C13orf42: variants seen among roughly 807,000 people sequenced by gnomAD.
C13orf42 encodes the protein chromosome 13 open reading frame 42.
chr13:51,157,299 T>A (rs1454536377), intron 1 of C13orf42, among the ~76,000 whole-genome samples: 1 of 152,098 alleles, frequency 6.6e-6, no homozygotes, highest in East Asian at 1.9e-4. Context: ...CTGAGCGCAG[T>A]GGTGTGCACG....
At chr13:51,154,180 T>C (rs2138041416) in intron 1 of C13orf42, among the ~76,000 whole-genome samples, 1 of 152,314 alleles carries the variant, frequency 6.6e-6, no homozygotes, top group African/African-American at 2.4e-5. Context: ...CTTCCTTTTT[T>C]AAGCTGAATA....
intron 1 of C13orf42, among the ~76,000 whole-genome samples, chr13:51,148,576 C>A (rs2138036304): frequency 1.3e-5 from 2 of 152,306 alleles, no homozygotes; most frequent in East Asian, 1.9e-4. Flanking sequence ...TCATGCAATC[C>A]CCTGAGGTCC....
intron 1 of C13orf42, among the ~76,000 whole-genome samples, chr13:51,154,312 T>C (rs1478958170): frequency 6.6e-6 from 1 of 152,246 alleles, no homozygotes; most frequent in African/African-American, 2.4e-5. Flanking sequence ...AACTATCTCT[T>C]TGAGTCCCTG....
At chr13:51,130,621 G>C (rs1043943114) in intron 1 of C13orf42, among the ~76,000 whole-genome samples, 2 of 152,070 alleles carry the variant, frequency 1.3e-5, no homozygotes, top group African/African-American at 4.8e-5. Flanking sequence ...TAAATGTACA[G>C]CTTGGTAAGG....
chr13:51,127,256 A>G (rs1326514403), intron 1 of C13orf42, among the ~76,000 whole-genome samples: 6 of 152,230 alleles, frequency 3.9e-5, no homozygotes, highest in Non-Finnish European at 2.9e-5. Flanking sequence ...AGGAATAACA[A>G]CCAAGAAGGA....
chr13:51,096,482 T>C (rs1412655768), intron 1 of C13orf42, among the ~76,000 whole-genome samples: 1 of 152,248 alleles, frequency 6.6e-6, no homozygotes, highest in African/African-American at 2.4e-5. Flanking sequence ...GGTTTCACAC[T>C]TAACTTCTTT....
chr13:51,147,851 T>C (rs1438546632), intron 1 of C13orf42, among the ~76,000 whole-genome samples: 1 of 152,092 alleles, frequency 6.6e-6, no homozygotes, highest in Non-Finnish European at 1.5e-5. Flanking sequence ...ACCAATTAAA[T>C]CAGAACCTCC....
upstream of C13orf42, among the ~76,000 whole-genome samples, chr13:51,114,003 T>A (rs1566130061): frequency 6.6e-6 from 1 of 152,238 alleles, no homozygotes; most frequent in Non-Finnish European, 1.5e-5. Context: ...GTAACAAAAC[T>A]TGCTTTATTC....
intron 1 of C13orf42, among the ~76,000 whole-genome samples, chr13:51,170,263 A>G (rs1953937019): frequency 1.3e-5 from 2 of 152,264 alleles, no homozygotes; most frequent in African/African-American, 4.8e-5. Flanking sequence ...ATAAACAGCC[A>G]TGTTGCTCAC....
At chr13:51,123,170 G>A (rs1265105527) in intron 1 of C13orf42, among the ~76,000 whole-genome samples, 5 of 152,190 alleles carry the variant, frequency 3.3e-5, no homozygotes, top group African/African-American at 1.2e-4. Flanking sequence ...CACTGCTCAT[G>A]GTTCTCACTC....
At chr13:51,112,470 A>G (rs1448023096), upstream of C13orf42, among the ~76,000 whole-genome samples, 1 of 152,230 alleles carries the variant, frequency 6.6e-6, no homozygotes, top group Non-Finnish European at 1.5e-5. Flanking sequence ...GCATCAGAAC[A>G]ATAACGATAC....
intron 1 of C13orf42, among the ~76,000 whole-genome samples, chr13:51,171,532 C>T (rs1387148943): frequency 6.6e-6 from 1 of 152,080 alleles, no homozygotes; most frequent in African/African-American, 2.4e-5. Context: ...TGACCTCTCC[C>T]TTCCTCCCCA....
At chr13:51,154,823 T>G (rs968925628) in intron 1 of C13orf42, among the ~76,000 whole-genome samples, 1 of 152,118 alleles carries the variant, frequency 6.6e-6, no homozygotes, top group Admixed American at 6.5e-5. Flanking sequence ...GTAAACTAAT[T>G]GCACATTCGA....
rs553263021 is a variant in C13orf42 at position 51,158,711 on chromosome 13, G to T, written n.136+13542C>A. On this transcript the variant is annotated intron_variant and non_coding_transcript_variant, in intron 1 of 4. Coordinates refer to the C13orf42 transcript ENST00000433280. ...GTCAACCGATGGATCTGAACGACTC[G>T]CAGTAACCCATCAATTCAGTGAAAC... Among the ~76,000 whole-genome samples, 20 of 152,300 alleles carry T rather than the reference G, an allele frequency of 1.3e-4. 1 individual carries two copies. In the South Asian group the frequency reaches 4.1e-3, roughly 32 times the overall value.
chr13:51,143,352 T>C (rs2138031949), intron 1 of C13orf42, among the ~76,000 whole-genome samples: 1 of 152,324 alleles, frequency 6.6e-6, no homozygotes, highest in South Asian at 2.1e-4. Context: ...TCAGTTTCTC[T>C]ACAAATTAAT....
chr13:51,112,975 A>G (rs543341837), upstream of C13orf42, among the ~76,000 whole-genome samples: 35 of 152,332 alleles, frequency 2.3e-4, no homozygotes, highest in South Asian at 2.9e-3. Flanking sequence ...GTGCTGACTG[A>G]ACTTCTTCTC....
intron 1 of C13orf42, among the ~76,000 whole-genome samples, chr13:51,165,288 A>G (rs968287485): frequency 2.6e-5 from 4 of 152,230 alleles, no homozygotes; most frequent in Non-Finnish European, 5.9e-5. Flanking sequence ...CAGTTAAAGT[A>G]GCCACTCTTC....
intron 2 of C13orf42, among the ~76,000 whole-genome samples, chr13:51,086,054 C>T (rs1953120944): frequency 1.3e-5 from 2 of 151,810 alleles, no homozygotes; most frequent in Non-Finnish European, 2.9e-5. Context: ...CACCTGTAAT[C>T]CCAACACTTT....
intron 1 of C13orf42, among the ~76,000 whole-genome samples, chr13:51,120,800 G>A (rs1953528652): frequency 6.6e-6 from 1 of 152,116 alleles, no homozygotes; most frequent in Admixed American, 6.5e-5. Flanking sequence ...CATCACTTGA[G>A]GTCAGGGGTT....
Sources: allele counts gnomAD v4.1 joint callset (sites outside exome capture counted in the v4.1 genomes callset), GRCh38; gene constraint gnomAD v4.1.1; transcripts MANE v1.5; gene names NCBI Gene and HGNC (gene_info 2026-07-23, HGNC 2026-07-21).